LRP11: variants seen among roughly 807,000 people sequenced by gnomAD.
LRP11 encodes LDL receptor related protein 11, also known as low-density lipoprotein receptor-related protein 11.
Under a neutral mutation model 43.1 loss-of-function variants are expected in LRP11, and 25 were observed. The observed-to-expected ratio is 0.58, with a 90% CI of 0.42 to 0.81. The LOEUF is 0.81. Ranked by LOEUF, LRP11 falls within the 30% of genes least tolerant of loss-of-function variation. The probability of loss-of-function intolerance (pLI) is 0.00; values close to 1 mark genes in which losing one functional copy is unlikely to be tolerated. For missense variants in LRP11, 623 were observed against 665.1 expected (o/e 0.94, Z 0.70); for synonymous variants, 316 against 299.4 (o/e 1.06, Z -0.57).
rs1278696927 is a variant in LRP11, at chr6:149,863,439, G to C, written c.582C>G (p.Ala194=). 11 of 1,322,910 alleles carry C rather than the reference G, an allele frequency of 8.3e-6. No homozygotes were observed. The highest frequency in any genetic ancestry group is 9.6e-6 in the Non-Finnish European group (10 of 1,044,760). The allele number at this position is 1,322,910 out of a possible 1,614,324, so 81.9% of individuals were successfully genotyped here. The change falls in exon 1 of 7, where the codon GCC becomes GCG. Residue 194 remains alanine (A), a synonymous_variant. Transcript: ENST00000239367. ...GGGGCGAGGCGCGCGCGGTGGCCAG[G>C]GCGGCGCCGTCCGGCGCGCGGCTGA... ...YSLSRAPDGA[A]LATARASPRQ...
At chr6:149,836,319 G>C in intron 4 of LRP11, 22 bp from the exon 5 acceptor site, 1 of 1,597,122 alleles carries the variant, frequency 6.3e-7, no homozygotes, top group Non-Finnish European at 8.6e-7. Context: ...AAGAGCTACT[G>C]TTAGTTGCTG....
intron 5 of LRP11, among the ~76,000 whole-genome samples, chr6:149,830,821 C>A (rs1776399576): frequency 6.6e-6 from 1 of 152,164 alleles, no homozygotes; most frequent in African/African-American, 2.4e-5. Context: ...GCATGGGAGA[C>A]TTCAGAAGGC....
intron 2 of LRP11, among the ~76,000 whole-genome samples, chr6:149,846,595 AT>A (rs1776636197): frequency 6.6e-6 from 1 of 152,128 alleles, no homozygotes; most frequent in African/African-American, 2.4e-5. Context: ...TCATGACCAG[AT>A]TCTGAGAGTG....
chr6:149,836,491 T>C (rs1193663542), intron 4 of LRP11, among the ~76,000 whole-genome samples, 194 bp from the exon 5 acceptor site: 1 of 152,178 alleles, frequency 6.6e-6, no homozygotes, highest in Non-Finnish European at 1.5e-5. Context: ...CTTCTTCCAA[T>C]AGTCAGCTTT....
intron 1 of LRP11, among the ~76,000 whole-genome samples, chr6:149,855,742 C>A (rs1315217881): frequency 6.7e-6 from 1 of 148,864 alleles, no homozygotes; most frequent in Admixed American, 6.7e-5. Flanking sequence ...AGGAATTAAG[C>A]ACAATTGCTT....
At chr6:149,828,853 C>A (rs1776373199) in intron 5 of LRP11, among the ~76,000 whole-genome samples, 1 of 152,102 alleles carries the variant, frequency 6.6e-6, no homozygotes, top group Non-Finnish European at 1.5e-5. Flanking sequence ...TAGATTACTA[C>A]AGAGACTCCA....
chr6:149,834,829 G>A (rs1776451673), intron 5 of LRP11, among the ~76,000 whole-genome samples: 1 of 152,302 alleles, frequency 6.6e-6, no homozygotes, highest in South Asian at 2.1e-4. Context: ...TTTTATGGAG[G>A]CACTTAAAAT....
Position 149,863,575 on chromosome 6 carries a change from C to CA in LRP11, c.445_446insT (p.Arg149LeufsTer64). 1 of 1,395,704 alleles carries CA rather than the reference C, an allele frequency of 7.2e-7. No individual in the cohort carries two copies. Among genetic ancestry groups the CA allele is most frequent in the African/African-American group, 1.5e-5 (1 of 66,248 alleles). The allele number at this position is 1,395,704 out of a possible 1,614,324, so 86.5% of individuals were successfully genotyped here. A position where few individuals can be genotyped will look rare whatever the true frequency, so the allele number is the denominator to read the frequency against. ...CACGGCTGCCGGGGGCGCGGGGCGC[C>CA]GGGGCAGCTCCACCACGGCCACGGA... On this transcript the variant is annotated frameshift_variant, in exon 1 of 7. Coordinates refer to ENST00000239367, the MANE Select transcript of LRP11 (RefSeq NM_032832.6). LOFTEE classifies it high-confidence loss of function.
At chr6:149,839,825 G>A (rs1407677925) in intron 3 of LRP11, among the ~76,000 whole-genome samples, 7 of 151,966 alleles carry the variant, frequency 4.6e-5, no homozygotes, top group Admixed American at 4.6e-4. Flanking sequence ...CGGCTAGTCC[G>A]GTTTATTTAT....
At chr6:149,848,081 T>C (rs1438344165) in intron 2 of LRP11, among the ~76,000 whole-genome samples, 1 of 152,092 alleles carries the variant, frequency 6.6e-6, no homozygotes, top group African/African-American at 2.4e-5. Flanking sequence ...CCTCCCAAGG[T>C]CACATGTTCA....
chr6:149,846,315 T>C (rs928802853), intron 2 of LRP11, among the ~76,000 whole-genome samples: 1 of 152,184 alleles, frequency 6.6e-6, no homozygotes, highest in Non-Finnish European at 1.5e-5. Flanking sequence ...ATTTACTGTC[T>C]CTTGGGACTT....
chr6:149,847,375 C>A (rs1283606259), intron 2 of LRP11, among the ~76,000 whole-genome samples: 1 of 152,186 alleles, frequency 6.6e-6, no homozygotes, highest in Admixed American at 6.5e-5. Context: ...TTAGATCTAT[C>A]CAGATTGAAT....
intron 3 of LRP11, 68 bp from the exon 4 acceptor site, chr6:149,837,531 G>A: frequency 6.5e-7 from 1 of 1,535,352 alleles, no homozygotes. Flanking sequence ...GGATGACAAA[G>A]GGGAGTCCGT....
chr6:149,845,356 C>T lies in LRP11; in HGVS notation c.772-2232G>A, dbSNP rs190706709. Among the ~76,000 whole-genome samples, 4 of 152,296 alleles carry T rather than the reference C, an allele frequency of 2.6e-5. No individual in the cohort carries two copies. In the East Asian group the frequency reaches 7.7e-4, roughly 29 times the overall value. Reference sequence around the variant, plus strand: ...CCCGTGAAGTGATTTTCATTCACTGCGACAGTGACAGAATTGAGACCTCGA... The same window carrying T: ...CCCGTGAAGTGATTTTCATTCACTGTGACAGTGACAGAATTGAGACCTCGA... On this transcript the variant is annotated intron_variant, in intron 2 of 6. Coordinates refer to ENST00000239367, the MANE Select transcript of LRP11 (RefSeq NM_032832.6).
At chr6:149,832,808 A>AT (rs753746108) in intron 5 of LRP11, among the ~76,000 whole-genome samples, 2 of 145,826 alleles carry the variant, frequency 1.4e-5, no homozygotes, top group African/African-American at 2.5e-5. Context: ...TTTTATTTTT[A>AT]TTTTTTTATT....
chr6:149,851,630 C>A (rs1272655337), intron 2 of LRP11, among the ~76,000 whole-genome samples: 1 of 152,168 alleles, frequency 6.6e-6, no homozygotes. Context: ...AGCCTGCTTG[C>A]CCAACACAGT....
chr6:149,822,007 G>A (rs956522175), intron 6 of LRP11, among the ~76,000 whole-genome samples: 1 of 152,132 alleles, frequency 6.6e-6, no homozygotes, highest in South Asian at 2.1e-4. Context: ...ACATAAGTTG[G>A]TGCTATTATT....
chr6:149,837,190 C>A, intron 4 of LRP11, 148 bp downstream of exon 4: 2 of 771,846 alleles, frequency 2.6e-6, no homozygotes, highest in Non-Finnish European at 3.9e-6. Context: ...ATATTGAATT[C>A]TCATTTAAGG....
intron 1 of LRP11, 53 bp downstream of exon 1, chr6:149,863,355 G>A (rs1045367068): frequency 7.7e-7 from 1 of 1,302,536 alleles, no homozygotes; most frequent in Non-Finnish European, 9.7e-7. Flanking sequence ...TGGCGAGGGC[G>A]CTGCGGGTCT....
Sources: gnomAD v4.1 joint callset for allele counts (sites outside exome capture counted in the v4.1 genomes callset) on GRCh38, gnomAD v4.1.1 for gene constraint, MANE v1.5 for transcripts, NCBI Gene and HGNC (gene_info 2026-07-23, HGNC 2026-07-21) for gene names.